IRAG1: variants seen among roughly 807,000 people sequenced by gnomAD.
IRAG1 encodes IP3R-associated cGMP kinase substrate.
A neutral mutation model predicts 106.2 loss-of-function variants in IRAG1; 62 were observed. That is an observed-to-expected ratio of 0.58 (90% CI 0.48 to 0.72). IRAG1 has a LOEUF of 0.72. Among genes scored for constraint, IRAG1 ranks in the 30% least tolerant of loss-of-function variants. The pLI, the probability that IRAG1 is intolerant of heterozygous loss-of-function variation, is 0.00. For synonymous variants in IRAG1, 462 were observed against 443.9 expected, an observed-to-expected ratio of 1.04 and a Z score of -0.51; for missense variants, 1,064 against 1,140.7, an observed-to-expected ratio of 0.93 and a Z score of 0.97.
At chr11:10,607,424 G>A (rs922443968) in intron 11 of IRAG1, among the ~76,000 whole-genome samples, 3 of 152,166 alleles carry the variant, frequency 2.0e-5, no homozygotes, top group Admixed American at 6.5e-5. Context: ...CGACACAGAG[G>A]CATCCTTTTG....
At chr11:10,634,753 T>TTTTGTGTGTGTGTG (rs1554927053) in intron 2 of IRAG1, among the ~76,000 whole-genome samples, 1 of 145,050 alleles carries the variant, frequency 6.9e-6, no homozygotes, top group African/African-American at 2.6e-5. Flanking sequence ...AATAATATTC[T>TTTTGTGTGTGTGTG]TGTGTGTGTG....
chr11:10,584,461 G>A (rs1341852165), intron 18 of IRAG1, among the ~76,000 whole-genome samples: 1 of 150,650 alleles, frequency 6.6e-6, no homozygotes, highest in Non-Finnish European at 1.5e-5. Context: ...TTGGCCTAAT[G>A]TGCAGTTTCC....
chr11:10,612,711 G>A (rs1346499757), intron 10 of IRAG1, among the ~76,000 whole-genome samples: 3 of 152,094 alleles, frequency 2.0e-5, no homozygotes, highest in Non-Finnish European at 4.4e-5. Context: ...TGTCAGGATG[G>A]AAACATAGTT....
At position 10,626,316 on chromosome 11, in the gene IRAG1, C is replaced by CCCAGCCCGTTTT. The variant is rs754917601; in HGVS notation, c.1006_1017dup (p.Lys336_Trp339dup). On this transcript the variant is annotated inframe_insertion, in exon 9 of 21. Transcript: ENST00000423302. ...GGACTTCTCGGCAGAGGGCTGCCCT[C>CCCAGCCCGTTTT]CCAGCCCGTTTTCAAGAGCTGCTTC... 4.3e-6 allele frequency: 7 copies of CCCAGCCCGTTTT among 1,613,258 alleles called. No homozygotes were observed. Among genetic ancestry groups the CCCAGCCCGTTTT allele is most frequent in the Non-Finnish European group, 5.9e-6 (7 of 1,179,614 alleles).
chr11:10,640,248 G>T (rs1414340792), intron 2 of IRAG1, among the ~76,000 whole-genome samples: 1 of 152,202 alleles, frequency 6.6e-6, no homozygotes, highest in Non-Finnish European at 1.5e-5. Flanking sequence ...TGGCAGAGGT[G>T]CCCATACAAA....
intron 1 of IRAG1, among the ~76,000 whole-genome samples, chr11:10,654,482 C>G (rs953164363): frequency 2.6e-5 from 4 of 152,186 alleles, no homozygotes; most frequent in Non-Finnish European, 5.9e-5. Flanking sequence ...TACTGGTCAC[C>G]TCAAGAAATC....
In IRAG1 at chr11:10,647,292, A is replaced by AG. The variant is rs1170126355; in HGVS notation, c.225+4732dup. 6.6e-6 allele frequency among the ~76,000 whole-genome samples: 1 copy of AG among 152,220 alleles called. No individual in the cohort carries two copies. The highest frequency in any genetic ancestry group is 1.5e-5 in the Non-Finnish European group (1 of 68,036). On this transcript the variant is annotated intron_variant, in intron 2 of 20. Coordinates refer to ENST00000423302, the MANE Select transcript of IRAG1 (RefSeq NM_130385.4). The surrounding 1 kb of genome is among the most constrained non-coding windows in gnomAD (Gnocchi z 4.3). ...TTATGAGCTGTATGACCTTGGAGGA[A>AG]GGTAGTTAATTTCTTTGTGCCTCAG...
intron 2 of IRAG1, among the ~76,000 whole-genome samples, chr11:10,636,568 C>G (rs1241677328): frequency 6.6e-6 from 1 of 152,218 alleles, no homozygotes; most frequent in Non-Finnish European, 1.5e-5. Context: ...TCTCTTTCAA[C>G]AAACACTTTA....
intron 2 of IRAG1, among the ~76,000 whole-genome samples, chr11:10,640,387 T>A (rs984427002): frequency 1.3e-5 from 2 of 152,228 alleles, no homozygotes; most frequent in African/African-American, 4.8e-5. Flanking sequence ...TGATGGAACA[T>A]CCTGGAAGGT....
At chr11:10,679,605 T>G (rs1860982338) in intron 1 of IRAG1, among the ~76,000 whole-genome samples, 1 of 152,214 alleles carries the variant, frequency 6.6e-6, no homozygotes, top group African/African-American at 2.4e-5. Flanking sequence ...AGAAGGTTTG[T>G]GAGCTGACCT....
intron 13 of IRAG1, among the ~76,000 whole-genome samples, chr11:10,603,538 G>A (rs551821276): frequency 6.6e-6 from 1 of 152,140 alleles, no homozygotes; most frequent in African/African-American, 2.4e-5. Flanking sequence ...AGGAGGTCAT[G>A]CTCTCAGGCA....
intron 20 of IRAG1, 26 bp from the exon 21 acceptor site, chr11:10,576,601 G>A (rs780259113): frequency 6.2e-7 from 1 of 1,613,088 alleles, no homozygotes. Flanking sequence ...AATATGCAGA[G>A]GCTTTAGTAT....
At chr11:10,592,607 AAGAAAGAATT>A (rs886732755) in intron 17 of IRAG1, among the ~76,000 whole-genome samples, 2 of 152,222 alleles carry the variant, frequency 1.3e-5, no homozygotes, top group Non-Finnish European at 2.9e-5. Context: ...GAAACCACTG[AAGAAAGAATT>A]AGAGAGAATT....
chr11:10,687,849 G>A, intron 1 of IRAG1: 1 of 1,265,386 alleles, frequency 7.9e-7, no homozygotes, highest in African/African-American at 1.6e-5. Context: ...TAGACAGTGG[G>A]CTAAGGGATT....
chr11:10,582,136 T>C, intron 18 of IRAG1, 150 bp from the exon 19 acceptor site: 1 of 1,010,452 alleles, frequency 9.9e-7, no homozygotes, highest in Non-Finnish European at 1.4e-6. Flanking sequence ...CCTTCTACCC[T>C]GAGACAAGAT....
chr11:10,601,103 A>T (rs948934783), intron 14 of IRAG1, 44 bp from the exon 15 acceptor site: 4 of 1,609,406 alleles, frequency 2.5e-6, no homozygotes, highest in Non-Finnish European at 2.5e-6. Flanking sequence ...ATTGGAGGAA[A>T]GGCTCCGTTG....
At chr11:10,587,120 T>G (rs1852099634) in intron 18 of IRAG1, among the ~76,000 whole-genome samples, 1 of 152,212 alleles carries the variant, frequency 6.6e-6, no homozygotes, top group South Asian at 2.1e-4. Flanking sequence ...CTATGTGCTT[T>G]CTTTCTGGGA....
At chr11:10,633,282 AG>A (rs1372774841) in intron 3 of IRAG1, among the ~76,000 whole-genome samples, 1 of 152,084 alleles carries the variant, frequency 6.6e-6, no homozygotes, top group Non-Finnish European at 1.5e-5. Flanking sequence ...TCACTGTGTT[AG>A]CCAGGATGGT....
chr11:10,675,995 A>T (rs1860625862), intron 1 of IRAG1, among the ~76,000 whole-genome samples: 1 of 152,190 alleles, frequency 6.6e-6, no homozygotes, highest in South Asian at 2.1e-4. Context: ...CCCATCTAAC[A>T]ATTAAATGGC....
Sources: gnomAD v4.1 joint callset for allele counts (sites outside exome capture counted in the v4.1 genomes callset) on GRCh38, gnomAD v4.1.1 for gene constraint, Gnocchi (gnomAD v3.1) non-coding constraint, MANE v1.5 for transcripts, NCBI Gene and HGNC (gene_info 2026-07-23, HGNC 2026-07-21) for gene names.